Variants in PREX2 observed in about 807,000 individuals in gnomAD.
The protein encoded by PREX2 is phosphatidylinositol 3,4,5-trisphosphate-dependent Rac exchanger 2 protein.
Under a neutral mutation model 203.2 loss-of-function variants are expected in PREX2, and 107 were observed. The ratio of observed to expected loss-of-function variants is 0.53; its 90% CI spans 0.45 to 0.62. The LOEUF (loss-of-function observed/expected upper bound fraction) is 0.62, where lower values mean the gene tolerates loss of function less well. Ranked by LOEUF, PREX2 falls within the 20% of genes least tolerant of loss-of-function variation. PREX2 has a pLI of 0.00. For missense variants in PREX2, 1,777 were observed against 1,955.9 expected (o/e 0.91, Z 1.72); for synonymous variants, 672 against 663.6 (o/e 1.01, Z -0.19).
intron 13 of PREX2, among the ~76,000 whole-genome samples, chr8:68,071,349 C>T (rs4593528): frequency 0.51 from 77,169 of 151,922 alleles, 19,725 homozygotes; most frequent in South Asian, 0.56. Flanking sequence ...CATGAAGAGC[C>T]GTAGACTTGC....
rs1282392491 is a variant in PREX2, at chr8:67,952,311, C to G, written c.-84C>G. 3 of 1,216,516 alleles carry G rather than the reference C, an allele frequency of 2.5e-6. No individual in the cohort carries two copies. Among genetic ancestry groups the G allele is most frequent in the Non-Finnish European group, 3.1e-6 (3 of 954,694 alleles). The allele number at this position is 1,216,516 out of a possible 1,614,324, so 75.4% of individuals were successfully genotyped here. A position where few individuals can be genotyped will look rare whatever the true frequency, so the allele number is the denominator to read the frequency against. ...GGCGGAGGCGGCAACTTTCCATTCT[C>G]GCCGCCGGGGGCCGGGCAGCAGCGG... On this transcript the variant is annotated 5_prime_UTR_variant, in exon 1 of 40. Coordinates refer to ENST00000288368, the MANE Select transcript of PREX2 (RefSeq NM_024870.4).
intron 28 of PREX2, 146 bp from the exon 29 acceptor site, chr8:68,120,050 T>G (rs1810737874): frequency 1.7e-5 from 9 of 532,052 alleles, no homozygotes; most frequent in Non-Finnish European, 3.0e-5. Flanking sequence ...ATTTCAATAT[T>G]TTATGTAAAG....
intron 1 of PREX2, among the ~76,000 whole-genome samples, chr8:68,016,608 ATTTATT>A (rs1308046151): frequency 2.0e-5 from 3 of 151,990 alleles, no homozygotes; most frequent in Non-Finnish European, 2.9e-5. Flanking sequence ...GAAAATGCCC[ATTTATT>A]TTTATTTTTA....
intron 1 of PREX2, among the ~76,000 whole-genome samples, chr8:67,972,514 T>G (rs1387957192): frequency 1.3e-5 from 2 of 152,180 alleles, no homozygotes; most frequent in African/African-American, 4.8e-5. Flanking sequence ...TTCAGACCCT[T>G]TTTTTAAGAA....
chr8:68,235,491 C>A lies in PREX2; in HGVS notation c.*4113C>A, dbSNP rs1813249372. 6.6e-6 allele frequency: 1 copy of A among 152,084 alleles called. No homozygotes were observed. The highest frequency in any genetic ancestry group is 2.1e-4 in the South Asian group (1 of 4,822). The allele number at this position is 152,084 out of a possible 1,614,324, so 9.4% of individuals were successfully genotyped here. A position where few individuals can be genotyped will look rare whatever the true frequency, so the allele number is the denominator to read the frequency against. On this transcript the variant is annotated 3_prime_UTR_variant, in exon 40 of 40. Transcript: ENST00000288368. The stretch of plus-strand genomic sequence containing the variant: ...ATTTGCTAAATGAATTGTCGGTTGT[C>A]CTGCTTAAGTACTAGGGCCAAGCTT...
At chr8:68,098,071 TATCC>T (rs1242313966) in intron 22 of PREX2, among the ~76,000 whole-genome samples, 1 of 152,200 alleles carries the variant, frequency 6.6e-6, no homozygotes, top group African/African-American at 2.4e-5. Context: ...AGGGAGCCTT[TATCC>T]AAATTAATAA....
intron 14 of PREX2, among the ~76,000 whole-genome samples, chr8:68,076,794 G>T (rs986225484): frequency 5.3e-5 from 8 of 150,606 alleles, no homozygotes; most frequent in African/African-American, 2.0e-4. Flanking sequence ...AAAACCAAAA[G>T]AAAAAGGTTG....
chr8:68,007,830 C>T (rs527608408), intron 1 of PREX2, among the ~76,000 whole-genome samples: 4 of 152,266 alleles, frequency 2.6e-5, no homozygotes, highest in South Asian at 2.1e-4. Flanking sequence ...AAGATGGTCT[C>T]GATCTCCTGA....
At chr8:68,024,109 T>C (rs1487418765) in intron 4 of PREX2, among the ~76,000 whole-genome samples, 2 of 152,080 alleles carry the variant, frequency 1.3e-5, no homozygotes, top group Non-Finnish European at 2.9e-5. Flanking sequence ...ATTTTTTTAG[T>C]AGATGTTCTT....
chr8:67,980,367 G>A (rs1806231133), intron 1 of PREX2, among the ~76,000 whole-genome samples: 1 of 149,238 alleles, frequency 6.7e-6, no homozygotes, highest in South Asian at 2.2e-4. Flanking sequence ...ATTGATAGGA[G>A]TTGAAGAAAA....
chr8:68,174,371 C>T (rs1422227882), intron 35 of PREX2, among the ~76,000 whole-genome samples: 1 of 152,042 alleles, frequency 6.6e-6, no homozygotes, highest in Non-Finnish European at 1.5e-5. Flanking sequence ...TGCCCTACCT[C>T]CCCCCAACAC....
At chr8:68,030,426 T>TG in intron 5 of PREX2, 71 bp from the exon 6 acceptor site, 1 of 1,436,126 alleles carries the variant, frequency 7.0e-7, no homozygotes, top group Admixed American at 2.1e-5. Flanking sequence ...TTTCATTTCC[T>TG]GGTCAGTCTG....
chr8:68,048,026 A>G lies in PREX2; in HGVS notation c.943+3436A>G, dbSNP rs573096218. ...TGATGGTATGATGTGCAAAAGTGCA[A>G]AAATTTGTATATATATTTATTTAAG... On this transcript the variant is annotated intron_variant, in intron 8 of 39. Coordinates refer to ENST00000288368, the MANE Select transcript of PREX2 (RefSeq NM_024870.4). Among the ~76,000 whole-genome samples the G allele has an allele frequency of 7.9e-5, 12 of 152,070 alleles. No individual in the cohort carries two copies. The South Asian group carries it at 2.5e-3, about 32-fold the overall frequency.
intron 11 of PREX2, among the ~76,000 whole-genome samples, chr8:68,067,955 T>C (rs1809070200): frequency 6.6e-6 from 1 of 152,070 alleles, no homozygotes; most frequent in Non-Finnish European, 1.5e-5. Context: ...CTTTTTCTGC[T>C]TCTATTGAGA....
At position 68,080,379 on chromosome 8, in the gene PREX2, G is replaced by A. The variant is rs1422843556; in HGVS notation, c.1643-64G>A. 2.8e-6 allele frequency: 4 copies of A among 1,417,728 alleles called. No individual in the cohort carries two copies. In the African/African-American group the frequency reaches 5.7e-5, roughly 20 times the overall value. The allele number at this position is 1,417,728 out of a possible 1,614,324, so 87.8% of individuals were successfully genotyped here. A position where few individuals can be genotyped will look rare whatever the true frequency, so the allele number is the denominator to read the frequency against. On this transcript the variant is annotated intron_variant, in intron 15 of 39. Coordinates refer to ENST00000288368, the MANE Select transcript of PREX2 (RefSeq NM_024870.4). ...CAGGTATTAATTTGTAAATGTCACT[G>A]CTATTGAAAATGAGTGCGATTTTTG...
At position 68,233,766 on chromosome 8, in the gene PREX2, CA is replaced by C. The variant is rs967261470; in HGVS notation, c.*2391del. The C allele has an allele frequency of 3.3e-4, 51 of 152,246 alleles. No homozygotes were observed. The highest frequency in any genetic ancestry group is 1.2e-3 in the African/African-American group (50 of 41,550). 9.4% of individuals were successfully genotyped at this position (152,246 alleles called of 1,614,324 possible). A position where few individuals can be genotyped will look rare whatever the true frequency, so the allele number is the denominator to read the frequency against. Reference sequence around the variant, plus strand: ...GCAAAGAATAACCCAGTGACTTGCACAAAGTCACATGATTGACAAGGGGTAG... The same window carrying C: ...GCAAAGAATAACCCAGTGACTTGCACAAGTCACATGATTGACAAGGGGTAG... On this transcript the variant is annotated 3_prime_UTR_variant, in exon 40 of 40. Transcript: ENST00000288368.
intron 37 of PREX2, among the ~76,000 whole-genome samples, chr8:68,202,722 C>T (rs891115182): frequency 1.3e-5 from 2 of 152,084 alleles, no homozygotes; most frequent in African/African-American, 4.8e-5. Context: ...TGCCAAGGGA[C>T]AGAACTGATA....
chr8:68,082,673 A>G (rs1380464861), intron 17 of PREX2: 2 of 152,516 alleles, frequency 1.3e-5, no homozygotes, highest in African/African-American at 4.8e-5. Context: ...TGAGAAGTGC[A>G]TGCTGGTTGG....
At chr8:68,105,317 C>A in intron 23 of PREX2, 6 of 1,367,598 alleles carry the variant, frequency 4.4e-6, no homozygotes, top group Non-Finnish European at 5.9e-6. Context: ...TTCCTGAGGA[C>A]CTTCCTTCTC....
Sources: allele counts gnomAD v4.1 joint callset (sites outside exome capture counted in the v4.1 genomes callset), GRCh38; gene constraint gnomAD v4.1.1; transcripts MANE v1.5; gene names NCBI Gene and HGNC (gene_info 2026-07-23, HGNC 2026-07-21).